The following F8 variants were observed in gnomAD, a reference collection of about 807,000 sequenced individuals.
F8 encodes the protein antihemophilic factor.
F8 carries 12 observed loss-of-function variants against 140.6 expected under a neutral mutation model. The ratio of observed to expected loss-of-function variants is 0.09; its 90% CI spans 0.05 to 0.14. The LOEUF is 0.14. Ranked by LOEUF, F8 falls within the 10% of genes least tolerant of loss-of-function variation. The pLI, the probability that F8 is intolerant of heterozygous loss-of-function variation, is 1.00. For missense variants in F8, 1,354 were observed against 1,720.7 expected, an observed-to-expected ratio of 0.79 and a Z score of 3.77; for synonymous variants, 585 against 614.6, an observed-to-expected ratio of 0.95 and a Z score of 0.71.
At chrX:154,963,078 G>A (rs781894411) in intron 9 of F8, among the ~76,000 whole-genome samples, 1 of 111,874 alleles carries the variant, frequency 8.9e-6, no homozygotes, top group South Asian at 3.8e-4. Context: ...AGCATGGAAT[G>A]TTCTTCCATT....
intron 14 of F8, among the ~76,000 whole-genome samples, chrX:154,910,661 A>G (rs1433022418): frequency 8.9e-6 from 1 of 112,457 alleles, no homozygotes; most frequent in African/African-American, 3.2e-5. Context: ...CTGGAAAGCC[A>G]GGTATTGTCC....
chrX:154,918,311 T>C lies in F8; in HGVS notation c.5219+10260A>G, dbSNP rs190685331. On this transcript the variant is annotated intron_variant, in intron 14 of 25. Coordinates refer to ENST00000360256, the MANE Select transcript of F8 (RefSeq NM_000132.4). ...ATTCTCTCTCATTTGGTGTCTTCTT[T>C]GGCTTAGATGAAGAGCAGCCAATGT... Among the ~76,000 whole-genome samples the C allele has an allele frequency of 4.3e-4, 48 of 111,388 alleles. No homozygotes were observed. The East Asian group carries it at 0.013, about 30-fold the overall frequency.
At chrX:154,874,055 C>T (rs2072794450) in intron 22 of F8, among the ~76,000 whole-genome samples, 1 of 112,299 alleles carries the variant, frequency 8.9e-6, no homozygotes, top group Non-Finnish European at 1.9e-5. Context: ...AAAAGACAAC[C>T]TATGGAATGG....
chrX:154,859,403 T>C (rs1254556621), intron 25 of F8, among the ~76,000 whole-genome samples: 3 of 107,353 alleles, frequency 2.8e-5, no homozygotes, highest in Non-Finnish European at 5.8e-5. Flanking sequence ...CCCGGGTTCA[T>C]GCCATTCTCC....
At chrX:154,911,226 T>G (rs1006939295) in intron 14 of F8, among the ~76,000 whole-genome samples, 1 of 108,313 alleles carries the variant, frequency 9.2e-6, no homozygotes, top group Non-Finnish European at 1.9e-5. Flanking sequence ...TCTCTGTGTC[T>G]TATTTCTTTT....
chrX:154,839,967 T>A (rs1300906450), intron 25 of F8, among the ~76,000 whole-genome samples: 1 of 112,500 alleles, frequency 8.9e-6, no homozygotes, highest in Non-Finnish European at 1.9e-5. Flanking sequence ...ATTTTACAAA[T>A]GTTTACGCTG....
intron 6 of F8, among the ~76,000 whole-genome samples, chrX:154,980,553 C>T (rs1266230122): frequency 8.9e-6 from 1 of 111,983 alleles, no homozygotes; most frequent in African/African-American, 3.3e-5. Flanking sequence ...TTAGGCTATT[C>T]TTATTCTTTG....
chrX:154,935,124 TTAC>T lies in F8; in HGVS notation c.2114-3451_2114-3449del, dbSNP rs781925036. ...CTGCAGTGAGCCATGATCACACCAC[TTAC>T]TCCACCCTGGGCAACAGAGTGAGAC... On this transcript the variant is annotated intron_variant, in intron 13 of 25. Coordinates refer to ENST00000360256, the MANE Select transcript of F8 (RefSeq NM_000132.4). 9.1e-5 allele frequency among the ~76,000 whole-genome samples: 10 copies of T among 110,145 alleles called. No individual in the cohort carries two copies. The East Asian group carries it at 2.3e-3, about 25-fold the overall frequency.
chrX:155,013,456 C>T (rs2073719549), intron 1 of F8, among the ~76,000 whole-genome samples: 1 of 111,595 alleles, frequency 9.0e-6, no homozygotes, highest in African/African-American at 3.3e-5. Flanking sequence ...TGAGGCCTCC[C>T]CAGCCATGTG....
At chrX:154,903,799 G>C in intron 18 of F8, 107 bp downstream of exon 18, 1 of 652,516 alleles carries the variant, frequency 1.5e-6, no homozygotes, top group Non-Finnish European at 2.5e-6. Flanking sequence ...TAAGAGCATG[G>C]AGCTTGTCTG....
chrX:154,987,098 T>C (rs2073562757), intron 5 of F8, 139 bp downstream of exon 5: 2 of 500,247 alleles, frequency 4.0e-6, no homozygotes, highest in African/African-American at 2.4e-5. Context: ...ACGTTTTGTT[T>C]TCTTGGAATT....
chrX:154,939,026 CTT>C (rs1202913384), intron 13 of F8, among the ~76,000 whole-genome samples: 2 of 110,991 alleles, frequency 1.8e-5, no homozygotes, highest in Non-Finnish European at 3.8e-5. Context: ...GTTTGAAGGT[CTT>C]TGCATTGGGA....
At chrX:154,868,086 A>C (rs1557273278) in intron 22 of F8, among the ~76,000 whole-genome samples, 1 of 111,971 alleles carries the variant, frequency 8.9e-6, no homozygotes. Flanking sequence ...ATCATAACCA[A>C]ATGTGGAAAA....
At chrX:155,011,943 A>T (rs782250304) in intron 1 of F8, among the ~76,000 whole-genome samples, 2 of 112,587 alleles carry the variant, frequency 1.8e-5, no homozygotes, top group East Asian at 5.5e-4. Context: ...AGAATAGGCA[A>T]AACCACAGTG....
intron 22 of F8, among the ~76,000 whole-genome samples, chrX:154,869,566 AG>A (rs1234722264): frequency 1.8e-5 from 2 of 112,115 alleles, no homozygotes; most frequent in African/African-American, 6.5e-5. Flanking sequence ...GGAAATTTAC[AG>A]CACTAAATGC....
intron 13 of F8, among the ~76,000 whole-genome samples, chrX:154,945,254 G>A (rs1173630676): frequency 9.0e-6 from 1 of 110,677 alleles, no homozygotes; most frequent in Non-Finnish European, 1.9e-5. Flanking sequence ...GATTCCACAA[G>A]GCCAGTATTA....
chrX:154,858,555 C>T (rs190451964), intron 25 of F8, among the ~76,000 whole-genome samples: 4 of 111,974 alleles, frequency 3.6e-5, no homozygotes, highest in Non-Finnish European at 7.5e-5. Context: ...CTTAGTATTA[C>T]CAGGCCCTAT....
chrX:154,980,388 TA>T (rs1464282091), intron 6 of F8, among the ~76,000 whole-genome samples: 2 of 112,052 alleles, frequency 1.8e-5, no homozygotes, highest in Non-Finnish European at 3.8e-5. Context: ...ATTTCTTTGA[TA>T]AACTTCTGAA....
intron 25 of F8, among the ~76,000 whole-genome samples, chrX:154,850,742 T>C (rs1199055072): frequency 9.0e-6 from 1 of 111,634 alleles, no homozygotes; most frequent in African/African-American, 3.3e-5. Context: ...ATATTTTCAT[T>C]AGGTTTTCTT....
Sources: gnomAD v4.1 joint callset for allele counts (sites outside exome capture counted in the v4.1 genomes callset) on GRCh38, gnomAD v4.1.1 for gene constraint, MANE v1.5 for transcripts, NCBI Gene and HGNC (gene_info 2026-07-23, HGNC 2026-07-21) for gene names.